PDE4B: variants seen among roughly 807,000 people sequenced by gnomAD.
The protein encoded by PDE4B is 3',5'-cyclic-AMP phosphodiesterase 4B.
In PDE4B, 20 loss-of-function variants were observed where a neutral mutation model predicts 82.2. That is an observed-to-expected ratio of 0.24 (90% CI 0.17 to 0.35). PDE4B has a LOEUF of 0.35. PDE4B is among the 10% of genes least tolerant of loss of function. The pLI, the probability that PDE4B is intolerant of heterozygous loss-of-function variation, is 1.00. For synonymous variants in PDE4B, 320 were observed against 318.9 expected (o/e 1.00, Z -0.04); for missense variants, 655 against 907.2 (o/e 0.72, Z 3.57).
At chr1:66,212,381 T>C (rs1312085854) in intron 3 of PDE4B, among the ~76,000 whole-genome samples, 1 of 152,180 alleles carries the variant, frequency 6.6e-6, no homozygotes, top group Non-Finnish European at 1.5e-5. Flanking sequence ...CATGCCAGCC[T>C]TTGCTCTTGC....
At chr1:66,365,880 TTC>T in intron 13 of PDE4B, 114 bp downstream of exon 13, 1 of 569,098 alleles carries the variant, frequency 1.8e-6, no homozygotes, top group Non-Finnish European at 3.0e-6. Flanking sequence ...GAGGCAATCC[TTC>T]CATTTCTCTC....
At chr1:66,221,198 G>A (rs1650955257) in intron 3 of PDE4B, among the ~76,000 whole-genome samples, 2 of 152,018 alleles carry the variant, frequency 1.3e-5, no homozygotes, top group African/African-American at 4.8e-5. Flanking sequence ...TTGGAAAGTG[G>A]CCACCCTCCT....
At chr1:66,152,618 ATTT>A (rs1646422967) in intron 3 of PDE4B, 6 of 112,058 alleles carry the variant, frequency 5.4e-5, no homozygotes, top group Admixed American at 1.1e-4. Context: ...ACATATATAT[ATTT>A]ATATATGTGT....
chr1:66,069,080 G>C (rs941970151), intron 3 of PDE4B, among the ~76,000 whole-genome samples: 1 of 151,982 alleles, frequency 6.6e-6, no homozygotes, highest in African/African-American at 2.4e-5. Flanking sequence ...TTCTAAGAAT[G>C]GTTTCCAGAT....
chr1:66,275,115 A>G (rs1655786829), intron 7 of PDE4B, among the ~76,000 whole-genome samples: 1 of 152,220 alleles, frequency 6.6e-6, no homozygotes, highest in Admixed American at 6.5e-5. Flanking sequence ...TTTCTCTTAA[A>G]AGCAGAGTGC....
chr1:65,795,210 A>G (rs554747092), intron 1 of PDE4B, among the ~76,000 whole-genome samples: 1 of 152,378 alleles, frequency 6.6e-6, no homozygotes, highest in African/African-American at 2.4e-5. Flanking sequence ...AATATTTAAA[A>G]TTGTGAAGAA....
intron 1 of PDE4B, among the ~76,000 whole-genome samples, chr1:65,901,136 C>A (rs1646967853): frequency 1.3e-5 from 2 of 151,694 alleles, no homozygotes; most frequent in Admixed American, 1.3e-4. Flanking sequence ...TTCTTTGATG[C>A]CTAATATGTT....
At chr1:66,127,977 G>A (rs1345419827) in intron 3 of PDE4B, among the ~76,000 whole-genome samples, 2 of 152,082 alleles carry the variant, frequency 1.3e-5, no homozygotes, top group Non-Finnish European at 2.9e-5. Flanking sequence ...CTATTTCAGT[G>A]TTTAGAATGC....
intron 3 of PDE4B, among the ~76,000 whole-genome samples, chr1:66,181,613 T>C (rs1328695387): frequency 1.3e-5 from 2 of 152,192 alleles, no homozygotes; most frequent in Non-Finnish European, 2.9e-5. Flanking sequence ...TTAGATTCTA[T>C]TGAGTGTGGC....
At chr1:66,107,714 A>G (rs1570253791) in intron 3 of PDE4B, among the ~76,000 whole-genome samples, 1 of 151,960 alleles carries the variant, frequency 6.6e-6, no homozygotes, top group Non-Finnish European at 1.5e-5. Flanking sequence ...TAAACCTTTC[A>G]TGAGATAGAT....
chr1:66,009,741 G>C (rs1211774798), intron 3 of PDE4B, among the ~76,000 whole-genome samples: 2 of 151,998 alleles, frequency 1.3e-5, no homozygotes, highest in Non-Finnish European at 2.9e-5. Flanking sequence ...TCATCTAATT[G>C]GAGAAGACTT....
At chr1:65,984,616 G>T (rs925675196) in intron 3 of PDE4B, among the ~76,000 whole-genome samples, 2 of 152,120 alleles carry the variant, frequency 1.3e-5, no homozygotes, top group Non-Finnish European at 2.9e-5. Context: ...TTAGCCAGGC[G>T]TGGTGGTGGG....
At chr1:65,857,853 A>G (rs1358896632) in intron 1 of PDE4B, among the ~76,000 whole-genome samples, 2 of 151,836 alleles carry the variant, frequency 1.3e-5, no homozygotes, top group African/African-American at 2.4e-5. Context: ...GCCTTTGGCA[A>G]TGTTGTACAA....
At chr1:66,347,639 G>A (rs1661505826) in intron 8 of PDE4B, among the ~76,000 whole-genome samples, 1 of 152,174 alleles carries the variant, frequency 6.6e-6, no homozygotes, top group Non-Finnish European at 1.5e-5. Context: ...TCTAGAAGTG[G>A]CAATTCCCAA....
At chr1:66,257,060 C>T (rs915501552) in intron 4 of PDE4B, among the ~76,000 whole-genome samples, 5 of 152,096 alleles carry the variant, frequency 3.3e-5, no homozygotes, top group Non-Finnish European at 5.9e-5. Flanking sequence ...AATGGAGTGA[C>T]AATGGTATGA....
intron 1 of PDE4B, among the ~76,000 whole-genome samples, chr1:65,804,961 G>GGGGGGGTGGGT (rs1160931833): frequency 7.9e-6 from 1 of 125,796 alleles, no homozygotes; most frequent in African/African-American, 2.9e-5. Context: ...CTTTTTTTTT[G>GGGGGGGTGGGT]GGGGGGTGGG....
chr1:65,815,427 T>C (rs1377054392), intron 1 of PDE4B, among the ~76,000 whole-genome samples: 1 of 152,056 alleles, frequency 6.6e-6, no homozygotes, highest in African/African-American at 2.4e-5. Flanking sequence ...GTTGGCTCTG[T>C]AAGTGAGAAA....
chr1:66,237,065 A>G (rs933600823), intron 3 of PDE4B, among the ~76,000 whole-genome samples: 1 of 152,208 alleles, frequency 6.6e-6, no homozygotes, highest in Non-Finnish European at 1.5e-5. Flanking sequence ...AAAAAAATAT[A>G]TAGCTTTTCT....
At chr1:66,186,111 G>T (rs916697143) in intron 3 of PDE4B, among the ~76,000 whole-genome samples, 2 of 152,140 alleles carry the variant, frequency 1.3e-5, no homozygotes, top group Non-Finnish European at 2.9e-5. Flanking sequence ...CCCATTTCTT[G>T]TTTTTGTCAT....
Sources: allele counts gnomAD v4.1 joint callset (sites outside exome capture counted in the v4.1 genomes callset), GRCh38; gene constraint gnomAD v4.1.1; transcripts MANE v1.5; gene names NCBI Gene and HGNC (gene_info 2026-07-23, HGNC 2026-07-21).